The following CAPS variants were observed in gnomAD, a reference collection of about 807,000 sequenced individuals.
CAPS encodes the protein calcyphosin.
A neutral mutation model predicts 15.5 loss-of-function variants in CAPS; 16 were observed. The observed-to-expected ratio is 1.03, with a 90% CI of 0.70 to 1.57. The LOEUF (loss-of-function observed/expected upper bound fraction) is 1.57, where lower values mean the gene tolerates loss of function less well. CAPS is among the 40% of genes most tolerant of loss of function. The probability of loss-of-function intolerance (pLI) is 0.00; values close to 1 mark genes in which losing one functional copy is unlikely to be tolerated. For missense variants in CAPS, 294 were observed against 278.4 expected (o/e 1.06, Z -0.40); for synonymous variants, 121 against 116.0 (o/e 1.04, Z -0.28).
rs766667274 is a variant in CAPS, at chr19:5,914,978, T to C, written c.300T>C (p.Ala100=). 15 of 1,609,774 alleles carry C rather than the reference T, an allele frequency of 9.3e-6. No individual in the cohort carries two copies. The East Asian group carries it at 1.6e-4, about 17-fold the overall frequency. The change falls in exon 4 of 5, where the codon GCT becomes GCC. Residue 100 remains alanine, a synonymous_variant. Transcript: ENST00000588776. ...AGGCCCGGGAGGCTGTCATCGCAGC[T>C]GCATTTGCCAAGCTGGACCGCAGTG... ...MSQAREAVIA[A]AFAKLDRSGD... is the part of the protein sequence containing the mutation.
rs762210562 is a variant in CAPS, at chr19:5,914,742, T to A, written c.261+2T>A. On this transcript the variant is annotated splice_donor_variant, in intron 3 of 4. Transcript: ENST00000588776. LOFTEE classifies it high-confidence loss of function. ...GAGGAGTTCCTTCGGGCGCTGCGGG[T>A]GAGCCCCCACCTCACAGTCAAGGCG... 3 of 1,605,494 alleles carry A rather than the reference T, an allele frequency of 1.9e-6. No individual in the cohort carries two copies. The African/African-American group carries it at 4.0e-5, about 21-fold the overall frequency.
At position 5,914,506 on chromosome 19, in the gene CAPS, C is replaced by A; in HGVS notation, c.83+17C>A. On this transcript the variant is annotated intron_variant, in intron 2 of 4. Coordinates refer to ENST00000588776, the MANE Select transcript of CAPS (RefSeq NM_004058.5). Reference sequence around the variant, plus strand: ...CCTGGCCAGGTGAGCTGTCCCCTCTCACCTTCCTGACCCCGGCCCCTGAGA... The same window carrying A: ...CCTGGCCAGGTGAGCTGTCCCCTCTAACCTTCCTGACCCCGGCCCCTGAGA... The A allele has an allele frequency of 6.2e-7, 1 of 1,607,586 alleles. No homozygotes were observed. The highest frequency in any genetic ancestry group is 8.5e-7 in the Non-Finnish European group (1 of 1,175,666).
Position 5,915,259 on chromosome 19 carries a change from G to C in CAPS, c.507G>C (p.Val169=). Residue 169 remains valine, a synonymous_variant, in exon 5 of 5, where the codon GTG becomes GTC. Coordinates refer to ENST00000588776, the MANE Select transcript of CAPS (RefSeq NM_004058.5). ...AATTCCAGGACTACTACAGCGGCGT[G>C]AGTGCCTCCATGAACACGGATGAGG... ...LAEFQDYYSG[V]SASMNTDEEF... 1 of 1,613,122 alleles carries C rather than the reference G, an allele frequency of 6.2e-7. No homozygotes were observed. Among genetic ancestry groups the C allele is most frequent in the Non-Finnish European group, 8.5e-7 (1 of 1,179,888 alleles).
intron 2 of CAPS, 23 bp from the exon 3 acceptor site, chr19:5,914,540 C>T (rs755538214): frequency 1.6e-5 from 25 of 1,603,664 alleles, no homozygotes; most frequent in Non-Finnish European, 2.0e-5. Context: ...GACCACTGTT[C>T]CAACCGTGTC....
In CAPS at chr19:5,915,439, G is replaced by T; in HGVS notation, c.*117G>T. The T allele has an allele frequency of 2.7e-6, 2 of 731,360 alleles. No homozygotes were observed. The highest frequency in any genetic ancestry group is 4.4e-6 in the Non-Finnish European group (2 of 450,752). 45.3% of individuals were successfully genotyped at this position (731,360 alleles called of 1,614,324 possible). On this transcript the variant is annotated 3_prime_UTR_variant, in exon 5 of 5. Coordinates refer to ENST00000588776, the MANE Select transcript of CAPS (RefSeq NM_004058.5). ...CACACCACAGAGCGGGGAGGGGCAGGTGGGGGAATGGAGGCTGCAGGACTG... is the reference window on the plus strand; with the variant it reads ...CACACCACAGAGCGGGGAGGGGCAGTTGGGGGAATGGAGGCTGCAGGACTG...
chr19:5,914,264 T>A lies in CAPS; in HGVS notation c.-68T>A, dbSNP rs1326785928. 3.2e-6 allele frequency: 5 copies of A among 1,560,742 alleles called. No individual in the cohort carries two copies. The highest frequency in any genetic ancestry group is 4.3e-6 in the Non-Finnish European group (5 of 1,153,592). On this transcript the variant is annotated 5_prime_UTR_variant, in exon 1 of 5. Transcript: ENST00000588776. ...ACAGTCTCCCCAGGCACAACACAGC[T>A]AACACAAGGCCCCGCAGGCAGGACT...
At position 5,915,167 on chromosome 19, in the gene CAPS, C is replaced by G. The variant is rs775477283; in HGVS notation, c.468+21C>G. On this transcript the variant is annotated intron_variant, in intron 4 of 4. Coordinates refer to ENST00000588776, the MANE Select transcript of CAPS (RefSeq NM_004058.5). ...GGCAGGTGGGTGGCTGCGCGGGGGGCCCCCTCCCCAGGCAGTTCCTCGGCC... is the reference window on the plus strand; with the variant it reads ...GGCAGGTGGGTGGCTGCGCGGGGGGGCCCCTCCCCAGGCAGTTCCTCGGCC... 1.1e-5 allele frequency: 18 copies of G among 1,610,248 alleles called. No individual in the cohort carries two copies. The South Asian group carries it at 1.6e-4, about 15-fold the overall frequency.
At position 5,915,444 on chromosome 19, in the gene CAPS, G is replaced by GC; in HGVS notation, c.*122_*123insC. The GC allele has an allele frequency of 1.4e-6, 1 of 710,450 alleles. No individual in the cohort carries two copies. The highest frequency in any genetic ancestry group is 2.3e-6 in the Non-Finnish European group (1 of 432,430). 44.0% of individuals were successfully genotyped at this position (710,450 alleles called of 1,614,324 possible). On this transcript the variant is annotated 3_prime_UTR_variant, in exon 5 of 5. Transcript: ENST00000588776. Reference sequence around the variant, plus strand: ...CACAGAGCGGGGAGGGGCAGGTGGGGGAATGGAGGCTGCAGGACTGGCTAG... The same window carrying GC: ...CACAGAGCGGGGAGGGGCAGGTGGGGCGAATGGAGGCTGCAGGACTGGCTAG...
Position 5,915,360 on chromosome 19 carries a change from T to TC in CAPS, c.*42dup. On this transcript the variant is annotated 3_prime_UTR_variant, in exon 5 of 5. Coordinates refer to ENST00000588776, the MANE Select transcript of CAPS (RefSeq NM_004058.5). ...CAGCCCTGCTGCCCTGGCCTGTCACTCCCCACCCCTGCCGGAGACCTCCCT... is the reference window on the plus strand; with the variant it reads ...CAGCCCTGCTGCCCTGGCCTGTCACTCCCCCACCCCTGCCGGAGACCTCCCT... The TC allele has an allele frequency of 6.9e-7, 1 of 1,456,110 alleles. No homozygotes were observed. 90.2% of individuals were successfully genotyped at this position (1,456,110 alleles called of 1,614,324 possible). A position where few individuals can be genotyped will look rare whatever the true frequency, so the allele number is the denominator to read the frequency against.
At chr19:5,914,838 T>C (rs1367317180) in intron 3 of CAPS, 98 bp downstream of exon 3, 1 of 1,539,418 alleles carries the variant, frequency 6.5e-7, no homozygotes, top group Admixed American at 1.8e-5. Flanking sequence ...AGAGCTGCTG[T>C]TAAGAGGCGC....
chr19:5,914,458 C>T lies in CAPS; in HGVS notation c.52C>T (p.Arg18Cys), dbSNP rs749937081. 14 of 1,612,388 alleles carry T rather than the reference C, an allele frequency of 8.7e-6. No individual in the cohort carries two copies. In the East Asian group the frequency reaches 1.1e-4, roughly 13 times the overall value. ...GAAACTCCGGGCACAGTGCCTGTCC[C>T]GCGGGGCCTCGGGCATCCAGGGCCT... is the stretch of plus-strand genomic sequence containing the variant. ...MEKLRAQCLS[R>C]GASGIQGLAR... Residue 18 changes from arginine (R) to cysteine (C), a missense_variant, in exon 2 of 5, where the codon CGC becomes TGC. Coordinates refer to ENST00000588776, the MANE Select transcript of CAPS (RefSeq NM_004058.5).
Position 5,916,131 on chromosome 19 carries a change from G to C in CAPS, c.*809G>C, listed in dbSNP as rs973929040. ...TCCTGAGGCCCCTGGGGCATGCAGAGGCCAGGGTTTTAGTTAAAAGTTTAA... is the reference window on the plus strand; with the variant it reads ...TCCTGAGGCCCCTGGGGCATGCAGACGCCAGGGTTTTAGTTAAAAGTTTAA... On this transcript the variant is annotated 3_prime_UTR_variant, in exon 5 of 5. Coordinates refer to ENST00000588776, the MANE Select transcript of CAPS (RefSeq NM_004058.5). 1 of 152,142 alleles carries C rather than the reference G, an allele frequency of 6.6e-6. No homozygotes were observed. Among genetic ancestry groups the C allele is most frequent in the African/African-American group, 2.4e-5 (1 of 41,430 alleles). 9.4% of individuals were successfully genotyped at this position (152,142 alleles called of 1,614,324 possible).
In CAPS at chr19:5,915,635, G is replaced by A. The variant is rs918816059; in HGVS notation, c.*313G>A. The A allele has an allele frequency of 4.5e-5, 14 of 312,194 alleles. No homozygotes were observed. The highest frequency in any genetic ancestry group is 9.4e-5 in the South Asian group (2 of 21,268). 19.3% of individuals were successfully genotyped at this position (312,194 alleles called of 1,614,324 possible). ...CCGAGGTCCCCCGATCCCCGCACCC[G>A]GACTGCTGCTCCCTGCCCCTCCCTT... On this transcript the variant is annotated 3_prime_UTR_variant, in exon 5 of 5. Coordinates refer to ENST00000588776, the MANE Select transcript of CAPS (RefSeq NM_004058.5).
In CAPS at chr19:5,914,998, G is replaced by A. The variant is rs201590538; in HGVS notation, c.320G>A (p.Arg107His). 62 of 1,611,330 alleles carry A rather than the reference G, an allele frequency of 3.8e-5. No homozygotes were observed. The highest frequency in any genetic ancestry group is 2.6e-4 in the South Asian group (24 of 91,046). Residue 107 changes from arginine to histidine, a missense_variant, in exon 4 of 5, where the codon CGC (arginine) becomes CAC (histidine). By Grantham distance (29) the Arg-to-His change is conservative. Transcript: ENST00000588776. ...GCAGCTGCATTTGCCAAGCTGGACCGCAGTGGGGACGGCGTCGTGACGGTG... is the reference window on the plus strand; with the variant it reads ...GCAGCTGCATTTGCCAAGCTGGACCACAGTGGGGACGGCGTCGTGACGGTG... ...VIAAAFAKLD[R>H]SGDGVVTVDD...
At position 5,915,317 on chromosome 19, in the gene CAPS, C is replaced by T; in HGVS notation, c.565C>T (p.Leu189=). 3 of 1,606,824 alleles carry T rather than the reference C, an allele frequency of 1.9e-6. No homozygotes were observed. The highest frequency in any genetic ancestry group is 2.5e-6 in the Non-Finnish European group (3 of 1,177,536). Reference sequence around the variant, plus strand: ...GGCCATGATGACCAGTGCCTGGCAGCTGTGAGCAGCTCCGGCTCAGCCCTG... The same window carrying T: ...GGCCATGATGACCAGTGCCTGGCAGTTGTGAGCAGCTCCGGCTCAGCCCTG... The part of the protein sequence containing the change: ...FVAMMTSAWQ[L] Residue 189 remains leucine (L), a synonymous_variant, in exon 5 of 5, where the codon CTG becomes TTG. Transcript: ENST00000588776.
Position 5,914,923 on chromosome 19 carries a change from A to ACCACCTCCTGTCCCAGCCC in CAPS, c.262-14_266dup. On this transcript the variant is annotated splice_polypyrimidine_tract_variant and intron_variant, in intron 3 of 4. Coordinates refer to ENST00000588776, the MANE Select transcript of CAPS (RefSeq NM_004058.5). ...GGTGTGCTACCCACCACCCCCAGTC[A>ACCACCTCCTGTCCCAGCCC]CCACCTCCTGTCCCAGCCCCCCATG... is the stretch of plus-strand genomic sequence containing the variant. 6.3e-7 allele frequency: 1 copy of ACCACCTCCTGTCCCAGCCC among 1,595,510 alleles called. No individual in the cohort carries two copies. Among genetic ancestry groups the ACCACCTCCTGTCCCAGCCC allele is most frequent in the Non-Finnish European group, 8.5e-7 (1 of 1,175,974 alleles).
Position 5,915,360 on chromosome 19 carries a change from TC to T in CAPS, c.*42del. Reference sequence around the variant, plus strand: ...CAGCCCTGCTGCCCTGGCCTGTCACTCCCCACCCCTGCCGGAGACCTCCCTT... The same window carrying T: ...CAGCCCTGCTGCCCTGGCCTGTCACTCCCACCCCTGCCGGAGACCTCCCTT... On this transcript the variant is annotated 3_prime_UTR_variant, in exon 5 of 5. Transcript: ENST00000588776. 1 of 1,456,098 alleles carries T rather than the reference TC, an allele frequency of 6.9e-7. No individual in the cohort carries two copies. Among genetic ancestry groups the T allele is most frequent in the Non-Finnish European group, 9.4e-7 (1 of 1,064,152 alleles). The allele number at this position is 1,456,098 out of a possible 1,614,324, so 90.2% of individuals were successfully genotyped here.
rs1370881122 is a variant in CAPS at position 5,915,059 on chromosome 19, C to T, written c.381C>T (p.His127=). ...GCGGGGTGTACAGTGGCCGTGCCCA[C>T]CCCAAGGTGCGCAGTGGGGAGTGGA... ...DLRGVYSGRA[H]PKVRSGEWTE... is the part of the protein sequence containing the mutation. Residue 127 remains histidine (H), a synonymous_variant, in exon 4 of 5, where the codon CAC becomes CAT. Transcript: ENST00000588776. 1 of 1,613,028 alleles carries T rather than the reference C, an allele frequency of 6.2e-7. No individual in the cohort carries two copies. Among genetic ancestry groups the T allele is most frequent in the Non-Finnish European group, 8.5e-7 (1 of 1,179,910 alleles).
Position 5,914,754 on chromosome 19 carries a change from TCA to T in CAPS, c.261+17_261+18del, listed in dbSNP as rs776247074. ...CGGGCGCTGCGGGTGAGCCCCCACCTCACAGTCAAGGCGTGTGCCCTGGGCAT... is the reference window on the plus strand; with the variant it reads ...CGGGCGCTGCGGGTGAGCCCCCACCTCAGTCAAGGCGTGTGCCCTGGGCAT... On this transcript the variant is annotated intron_variant, in intron 3 of 4. Transcript: ENST00000588776. The T allele has an allele frequency of 5.0e-6, 8 of 1,600,870 alleles. No individual in the cohort carries two copies. Among genetic ancestry groups the T allele is most frequent in the East Asian group, 2.2e-5 (1 of 44,736 alleles).
Sources: gnomAD v4.1 joint callset for allele counts on GRCh38, gnomAD v4.1.1 for gene constraint, MANE v1.5 for transcripts, NCBI Gene and HGNC (gene_info 2026-07-23, HGNC 2026-07-21) for gene names.